PTPRJ: variants seen among roughly 807,000 people sequenced by gnomAD.
PTPRJ encodes the protein protein tyrosine phosphatase receptor type J, also known as receptor-type tyrosine-protein phosphatase eta.
In PTPRJ, 129 loss-of-function variants were observed where a neutral mutation model predicts 141.3. The observed-to-expected ratio is 0.91, with a 90% CI of 0.79 to 1.06. The LOEUF is 1.06. Ranked by LOEUF, PTPRJ falls within the 50% of genes least tolerant of loss-of-function variation. The probability of loss-of-function intolerance (pLI) is 0.00; values close to 1 mark genes in which losing one functional copy is unlikely to be tolerated. For synonymous variants in PTPRJ, 610 were observed against 640.5 expected, an observed-to-expected ratio of 0.95 and a Z score of 0.72; for missense variants, 1,601 against 1,679.7, an observed-to-expected ratio of 0.95 and a Z score of 0.82.
At chr11:48,053,006 C>T (rs1403674670) in intron 1 of PTPRJ, among the ~76,000 whole-genome samples, 1 of 147,110 alleles carries the variant, frequency 6.8e-6, no homozygotes, top group African/African-American at 2.5e-5. Flanking sequence ...CACTCATCGC[C>T]AGCCCTTACT....
At chr11:48,131,656 T>C in intron 8 of PTPRJ, 1 of 607,876 alleles carries the variant, frequency 1.6e-6, no homozygotes, top group Non-Finnish European at 3.0e-6. Context: ...TTATGTACTG[T>C]CTATGGCTAC....
chr11:48,098,681 C>T lies in PTPRJ; in HGVS notation c.97-11377C>T, dbSNP rs1856079136. ...GACTACAGGCACGCGCCACCATGCCCGGCTAATTTTTGTATTTTTAGTAGA... is the reference window on the plus strand; with the variant it reads ...GACTACAGGCACGCGCCACCATGCCTGGCTAATTTTTGTATTTTTAGTAGA... On this transcript the variant is annotated intron_variant, in intron 1 of 24. Coordinates refer to ENST00000418331, the MANE Select transcript of PTPRJ (RefSeq NM_002843.4). Among the ~76,000 whole-genome samples, 3 of 61,200 alleles carry T rather than the reference C, an allele frequency of 4.9e-5. 1 individual carries two copies. Among genetic ancestry groups the T allele is most frequent in the Non-Finnish European group, 8.9e-5 (2 of 22,360 alleles). The allele number at this position is 61,200 out of a possible 152,430, so 40.1% of individuals were successfully genotyped here.
Position 47,986,610 on chromosome 11 carries a change from G to A in PTPRJ, c.96+5602G>A, listed in dbSNP as rs912712963. Among the ~76,000 whole-genome samples the A allele has an allele frequency of 3.3e-5, 5 of 152,108 alleles. No homozygotes were observed. In the East Asian group the frequency reaches 7.7e-4, roughly 23 times the overall value. ...CCACTTACTGCAACCTCCGCCTCCC[G>A]GGTTCAAGCAATTCTACTGCCTTAG... On this transcript the variant is annotated intron_variant, in intron 1 of 24. Transcript: ENST00000418331.
intron 1 of PTPRJ, among the ~76,000 whole-genome samples, chr11:48,103,424 A>T (rs1856203776): frequency 6.6e-6 from 1 of 152,186 alleles, no homozygotes; most frequent in South Asian, 2.1e-4. Context: ...GTGCCATTGT[A>T]CTCTGGCCTG....
intron 1 of PTPRJ, among the ~76,000 whole-genome samples, chr11:48,030,006 A>G (rs1322771458): frequency 1.3e-5 from 2 of 152,216 alleles, no homozygotes; most frequent in Admixed American, 6.5e-5. Flanking sequence ...CTTAATTAGA[A>G]AAAGGCTTAG....
In PTPRJ at chr11:48,146,857, C is replaced by T. The variant is rs774134298; in HGVS notation, c.2912-19C>T. ...GCATGAACACCTCTTGAAGTGTCTC[C>T]CATTTGGACTTTTCTCAGGTGTCAT... On this transcript the variant is annotated intron_variant, in intron 14 of 24. Coordinates refer to ENST00000418331, the MANE Select transcript of PTPRJ (RefSeq NM_002843.4). The T allele has an allele frequency of 6.2e-6, 10 of 1,609,962 alleles. No homozygotes were observed. The South Asian group carries it at 9.9e-5, about 16-fold the overall frequency.
At chr11:48,092,294 C>CAAAAAAAAAAAAAAAA (rs3971621) in intron 1 of PTPRJ, among the ~76,000 whole-genome samples, 21 of 46,938 alleles carry the variant, frequency 4.5e-4, no homozygotes, top group East Asian at 2.4e-3. Context: ...GATTTCATCT[C>CAAAAAAAAAAAAAAAA]AAAAAAAAAA....
At chr11:48,028,794 A>C (rs1323546225) in intron 1 of PTPRJ, among the ~76,000 whole-genome samples, 1 of 152,094 alleles carries the variant, frequency 6.6e-6, no homozygotes, top group Non-Finnish European at 1.5e-5. Context: ...TCCGTCTCAA[A>C]AGCAAACAAA....
intron 1 of PTPRJ, among the ~76,000 whole-genome samples, chr11:47,983,641 T>G (rs984641392): frequency 6.6e-6 from 1 of 152,240 alleles, no homozygotes; most frequent in African/African-American, 2.4e-5. Flanking sequence ...AGTTGCAGTG[T>G]CTGACTCCTC....
intron 1 of PTPRJ, among the ~76,000 whole-genome samples, chr11:48,048,766 CCT>C (rs1286396315): frequency 2.0e-5 from 3 of 152,140 alleles, no homozygotes; most frequent in African/African-American, 7.2e-5. Context: ...TGCACTCCAG[CCT>C]GGGTGACAGA....
intron 1 of PTPRJ, among the ~76,000 whole-genome samples, chr11:48,029,979 CAG>C (rs529937295): frequency 3.9e-4 from 59 of 152,276 alleles, no homozygotes; most frequent in African/African-American, 1.1e-3. Context: ...TCCGGTAAGA[CAG>C]GGGGAAATTT....
In PTPRJ at chr11:48,110,057, G is replaced by A; in HGVS notation, c.97-1G>A. The A allele has an allele frequency of 6.2e-7, 1 of 1,613,962 alleles. No individual in the cohort carries two copies. The highest frequency in any genetic ancestry group is 8.5e-7 in the Non-Finnish European group (1 of 1,179,902). Reference sequence around the variant, plus strand: ...ACTTCCGTTTTCTTTTTCTGTTTCAGATCCTGTGCGCAGGTGGCAGTGAGT... The same window carrying A: ...ACTTCCGTTTTCTTTTTCTGTTTCAAATCCTGTGCGCAGGTGGCAGTGAGT... On this transcript the variant is annotated splice_acceptor_variant, in intron 1 of 24. Transcript: ENST00000418331. LOFTEE classifies it high-confidence loss of function.
intron 1 of PTPRJ, among the ~76,000 whole-genome samples, chr11:48,005,215 C>A (rs1237641101): frequency 6.6e-6 from 1 of 150,468 alleles, no homozygotes; most frequent in Non-Finnish European, 1.5e-5. Flanking sequence ...GAGTGAGACT[C>A]TATCTTAAAA....
At chr11:48,137,355 C>G in intron 10 of PTPRJ, 74 bp downstream of exon 10, 1 of 1,497,160 alleles carries the variant, frequency 6.7e-7, no homozygotes, top group South Asian at 1.3e-5. Context: ...CCTCCCAAGT[C>G]TGTAGTTTGT....
chr11:48,084,535 A>G (rs1322594164), intron 1 of PTPRJ, among the ~76,000 whole-genome samples: 1 of 152,180 alleles, frequency 6.6e-6, no homozygotes, highest in Non-Finnish European at 1.5e-5. Flanking sequence ...ATGCAAATGA[A>G]GGGGGCGGGT....
chr11:48,035,139 T>C lies in PTPRJ; in HGVS notation c.96+54131T>C, dbSNP rs780269746. ...CTGGCTACCTCCTTTTAGACTCACT[T>C]TGTGGCCCATGGCACCCAGTTGTGT... On this transcript the variant is annotated intron_variant, in intron 1 of 24. Coordinates refer to ENST00000418331, the MANE Select transcript of PTPRJ (RefSeq NM_002843.4). 5.3e-5 allele frequency among the ~76,000 whole-genome samples: 8 copies of C among 152,214 alleles called. 1 individual carries two copies. The highest frequency in any genetic ancestry group is 2.6e-4 in the Admixed American group (4 of 15,276).
intron 1 of PTPRJ, among the ~76,000 whole-genome samples, chr11:48,054,159 C>G (rs1317571628): frequency 3.9e-5 from 6 of 152,054 alleles, no homozygotes; most frequent in African/African-American, 1.4e-4. Flanking sequence ...GTCTTGAACA[C>G]CTGACCTCAG....
intron 1 of PTPRJ, among the ~76,000 whole-genome samples, chr11:48,024,649 C>T (rs1853757272): frequency 1.3e-5 from 2 of 152,246 alleles, no homozygotes; most frequent in South Asian, 4.1e-4. Context: ...TGTACATCAG[C>T]CCTGTTTTGA....
chr11:48,134,180 TTC>T (rs1378927024), intron 8 of PTPRJ, among the ~76,000 whole-genome samples: 2 of 152,260 alleles, frequency 1.3e-5, no homozygotes, highest in African/African-American at 2.4e-5. Context: ...TGAATTCCTT[TTC>T]TCTCTGTGTC....
Sources: gnomAD v4.1 joint callset for allele counts (sites outside exome capture counted in the v4.1 genomes callset) on GRCh38, gnomAD v4.1.1 for gene constraint, MANE v1.5 for transcripts, NCBI Gene and HGNC (gene_info 2026-07-23, HGNC 2026-07-21) for gene names.